The following PINX1 variants were observed in gnomAD, a reference collection of about 807,000 sequenced individuals.
The protein encoded by PINX1 is PIN2/TERF1-interacting telomerase inhibitor 1.
A neutral mutation model predicts 25.4 loss-of-function variants in PINX1; 34 were observed. That is an observed-to-expected ratio of 1.34 (90% CI 1.02 to 1.78). The LOEUF is 1.78. Ranked by LOEUF, PINX1 falls within the 40% of genes most tolerant of loss-of-function variation. PINX1 has a pLI of 0.00. For missense variants in PINX1, 592 were observed against 404.9 expected (o/e 1.46, Z -3.97); for synonymous variants, 197 against 147.7 (o/e 1.33, Z -2.42).
rs770551329 is a variant in PINX1, at chr8:10,834,778, G to A, written c.20-3C>T. On this transcript the variant is annotated splice_polypyrimidine_tract_variant and splice_region_variant and intron_variant, in intron 1 of 6. Coordinates refer to ENST00000314787, the MANE Select transcript of PINX1 (RefSeq NM_017884.6). ...AGCCCACTTCTGCTTCCGCCGACCT[G>A]TAAATGAAAAAGCATTATCATCAGC... The A allele has an allele frequency of 6.2e-7, 1 of 1,606,636 alleles. No individual in the cohort carries two copies. The highest frequency in any genetic ancestry group is 1.1e-5 in the South Asian group (1 of 90,198).
At chr8:10,809,675 A>G (rs1377426500) in intron 6 of PINX1, among the ~76,000 whole-genome samples, 1 of 152,234 alleles carries the variant, frequency 6.6e-6, no homozygotes, top group Non-Finnish European at 1.5e-5. Flanking sequence ...GACAGATAGG[A>G]ACATTCACAC....
chr8:10,780,426 A>G (rs544333090), intron 6 of PINX1, among the ~76,000 whole-genome samples: 1 of 152,314 alleles, frequency 6.6e-6, no homozygotes, highest in African/African-American at 2.4e-5. Flanking sequence ...TTACCAATAA[A>G]GGATGCTGAA....
intron 6 of PINX1, among the ~76,000 whole-genome samples, chr8:10,774,505 T>A (rs1801327138): frequency 6.6e-6 from 1 of 152,148 alleles, no homozygotes; most frequent in South Asian, 2.1e-4. Context: ...GGTCTCGAAC[T>A]CCCGACCTCA....
At chr8:10,803,330 A>G (rs746714518) in intron 6 of PINX1, among the ~76,000 whole-genome samples, 7 of 152,186 alleles carry the variant, frequency 4.6e-5, no homozygotes, top group East Asian at 1.9e-4. Flanking sequence ...CAAACAGACA[A>G]TAATTTCTTG....
At chr8:10,799,836 G>A (rs1041257816) in intron 6 of PINX1, among the ~76,000 whole-genome samples, 1 of 152,210 alleles carries the variant, frequency 6.6e-6, no homozygotes, top group East Asian at 1.9e-4. Flanking sequence ...GGGCAAAGTA[G>A]GTTTTTTCCA....
At chr8:10,788,057 C>T (rs1355195200) in intron 6 of PINX1, among the ~76,000 whole-genome samples, 5 of 151,856 alleles carry the variant, frequency 3.3e-5, no homozygotes, top group Admixed American at 2.6e-4. Flanking sequence ...GTTATGGAGT[C>T]CTTATCTTTT....
intron 6 of PINX1, among the ~76,000 whole-genome samples, chr8:10,776,052 A>G (rs545230434): frequency 6.6e-6 from 1 of 152,192 alleles, no homozygotes; most frequent in Non-Finnish European, 1.5e-5. Flanking sequence ...TTTAAGGTCC[A>G]TCACAATTCT....
chr8:10,785,764 T>C (rs979092204), intron 6 of PINX1, among the ~76,000 whole-genome samples: 4 of 152,248 alleles, frequency 2.6e-5, no homozygotes, highest in Non-Finnish European at 4.4e-5. Context: ...GGAGGTCTGT[T>C]GCTTGTGTAT....
At chr8:10,787,065 A>G (rs906571885) in intron 6 of PINX1, among the ~76,000 whole-genome samples, 23 of 152,252 alleles carry the variant, frequency 1.5e-4, no homozygotes, top group Non-Finnish European at 2.9e-5. Context: ...TTTGACTCTT[A>G]CCCAATTTTT....
At chr8:10,801,234 T>C (rs1166908510) in intron 6 of PINX1, among the ~76,000 whole-genome samples, 1 of 152,194 alleles carries the variant, frequency 6.6e-6, no homozygotes, top group Non-Finnish European at 1.5e-5. Flanking sequence ...AGGGATGGAT[T>C]TCCAATGATG....
In PINX1 at chr8:10,834,700, C is replaced by T. The variant is rs372769242; in HGVS notation, c.95G>A (p.Arg32Gln). 54 of 1,613,758 alleles carry T rather than the reference C, an allele frequency of 3.3e-5. No homozygotes were observed. The highest frequency in any genetic ancestry group is 1.0e-4 in the Admixed American group (6 of 60,000). The change falls in exon 2 of 7, where the codon CGG (arginine) becomes CAG (glutamine). Residue 32 changes from arginine to glutamine, a missense_variant. Physicochemically the swap from Arg to Gln is conservative, Grantham distance 43 (BLOSUM62 1). Transcript: ENST00000314787. ...WSNDDSKFGQRMLEKMGWSKG... is the reference protein window; with the variant it reads ...WSNDDSKFGQQMLEKMGWSKG... ...AGACCACCCCATCTTCTCTAGCATCCGCTGGCCAAACTTGGAATCGTCATT... is the reference window on the plus strand; with the variant it reads ...AGACCACCCCATCTTCTCTAGCATCTGCTGGCCAAACTTGGAATCGTCATT...
At chr8:10,827,632 C>G (rs191601713) in intron 4 of PINX1, among the ~76,000 whole-genome samples, 1 of 151,842 alleles carries the variant, frequency 6.6e-6, no homozygotes, top group Non-Finnish European at 1.5e-5. Flanking sequence ...AGCAGCCGGG[C>G]GCGGTGGCTC....
chr8:10,807,955 G>C (rs1423862803), intron 6 of PINX1, among the ~76,000 whole-genome samples: 1 of 152,204 alleles, frequency 6.6e-6, no homozygotes, highest in African/African-American at 2.4e-5. Flanking sequence ...ATGATCTGAT[G>C]CAGCTGACAC....
chr8:10,828,913 G>A (rs889146187), intron 4 of PINX1, among the ~76,000 whole-genome samples: 2 of 152,168 alleles, frequency 1.3e-5, no homozygotes, highest in African/African-American at 4.8e-5. Context: ...AGCTCATCAG[G>A]AGGTGCACTG....
intron 6 of PINX1, among the ~76,000 whole-genome samples, chr8:10,766,834 C>T (rs775824206): frequency 1.3e-5 from 2 of 152,008 alleles, no homozygotes; most frequent in Non-Finnish European, 2.9e-5. Context: ...GAGAAAATTC[C>T]TAAGGGGAGA....
At chr8:10,804,126 G>T (rs961529462) in intron 6 of PINX1, among the ~76,000 whole-genome samples, 8 of 152,194 alleles carry the variant, frequency 5.3e-5, no homozygotes, top group African/African-American at 1.4e-4. Context: ...ACACACTGTT[G>T]AAAGGACAGC....
At chr8:10,785,061 T>C (rs892285866) in intron 6 of PINX1, among the ~76,000 whole-genome samples, 1 of 151,956 alleles carries the variant, frequency 6.6e-6, no homozygotes, top group Non-Finnish European at 1.5e-5. Flanking sequence ...ATCATTTAAA[T>C]CTTACCAAGG....
intron 4 of PINX1, among the ~76,000 whole-genome samples, chr8:10,826,671 G>A (rs976915870): frequency 1.9e-4 from 29 of 152,208 alleles, no homozygotes; most frequent in Admixed American, 1.4e-3. Flanking sequence ...CCACTCCACA[G>A]TAAAGAGCGG....
At chr8:10,798,974 G>A (rs1372349982) in intron 6 of PINX1, among the ~76,000 whole-genome samples, 1 of 152,186 alleles carries the variant, frequency 6.6e-6, no homozygotes, top group African/African-American at 2.4e-5. Context: ...AAGCAGCAAT[G>A]ATTTGATATT....
Sources: allele counts gnomAD v4.1 joint callset (sites outside exome capture counted in the v4.1 genomes callset), GRCh38; gene constraint gnomAD v4.1.1; transcripts MANE v1.5; gene names NCBI Gene and HGNC (gene_info 2026-07-23, HGNC 2026-07-21).